PRDM16: variants seen among roughly 807,000 people sequenced by gnomAD.
PRDM16 encodes the protein histone-lysine N-methyltransferase PRDM16.
In PRDM16, 23 loss-of-function variants were observed where a neutral mutation model predicts 110.6. The observed-to-expected ratio is 0.21, with a 90% CI of 0.15 to 0.29. The LOEUF (loss-of-function observed/expected upper bound fraction) is 0.29, where lower values mean the gene tolerates loss of function less well. PRDM16 is among the 10% of genes least tolerant of loss of function. The pLI is 1.00. For missense variants in PRDM16, 1,615 were observed against 1,794.3 expected, an observed-to-expected ratio of 0.90 and a Z score of 1.81; for synonymous variants, 799 against 781.8, an observed-to-expected ratio of 1.02 and a Z score of -0.37.
At chr1:3,134,410 C>G (rs1643395630) in intron 1 of PRDM16, among the ~76,000 whole-genome samples, 1 of 152,252 alleles carries the variant, frequency 6.6e-6, no homozygotes, top group South Asian at 2.1e-4. Context: ...CCAATGCCCC[C>G]AAAGTCAGGA....
At chr1:3,376,505 C>G (rs564481407) in intron 3 of PRDM16, among the ~76,000 whole-genome samples, 1 of 152,264 alleles carries the variant, frequency 6.6e-6, no homozygotes, top group Non-Finnish European at 1.5e-5. Context: ...CCCCAGCACG[C>G]CCCACTGCCT....
chr1:3,094,575 G>T (rs1642352148), intron 1 of PRDM16, among the ~76,000 whole-genome samples: 1 of 152,232 alleles, frequency 6.6e-6, no homozygotes, highest in Non-Finnish European at 1.5e-5. Context: ...ACGCTATAAA[G>T]CTTGGCCGTC....
intron 3 of PRDM16, among the ~76,000 whole-genome samples, chr1:3,332,043 G>A (rs948529352): frequency 6.6e-6 from 1 of 152,212 alleles, no homozygotes; most frequent in Non-Finnish European, 1.5e-5. Flanking sequence ...GTCCCACCCT[G>A]CCAGGCTCCC....
rs1165997550 is a variant in PRDM16 at position 3,245,846 on chromosome 1, C to A, written c.438+1709C>A. ...AAGTGACCTGCAGTTAGTGCGAATC[C>A]CTCAAGTTCTCGAGGGAGCCTGAAA... On this transcript the variant is annotated intron_variant, in intron 3 of 16. Coordinates refer to ENST00000270722, the MANE Select transcript of PRDM16 (RefSeq NM_022114.4). The surrounding 1 kb of genome is among the most constrained non-coding windows in gnomAD (Gnocchi z 4.7). Among the ~76,000 whole-genome samples, 2 of 152,144 alleles carry A rather than the reference C, an allele frequency of 1.3e-5. No homozygotes were observed. Among genetic ancestry groups the A allele is most frequent in the Non-Finnish European group, 2.9e-5 (2 of 68,024 alleles).
intron 8 of PRDM16, among the ~76,000 whole-genome samples, chr1:3,406,579 AAT>A (rs568677570): frequency 0.012 from 1,739 of 150,136 alleles, 33 homozygotes; most frequent in African/African-American, 0.039. Flanking sequence ...AAAAAAAAAA[AAT>A]TTTTTTTTTA....
intron 3 of PRDM16, among the ~76,000 whole-genome samples, chr1:3,273,889 G>A (rs1374129813): frequency 7.0e-6 from 1 of 141,928 alleles, no homozygotes; most frequent in African/African-American, 2.6e-5. Context: ...CTACGTGTGG[G>A]TAGGTGCGTG....
Position 3,404,729 on chromosome 1 carries a change from C to T in PRDM16, c.885-10C>T, listed in dbSNP as rs368200652. ...GTCGGGCCCCGCAGTGAGCCTCGTC[C>T]TCTGCGCAGCCTGGAGCAGCACATG... On this transcript the variant is annotated splice_polypyrimidine_tract_variant and intron_variant, in intron 6 of 16. Transcript: ENST00000270722. 4.1e-5 allele frequency: 66 copies of T among 1,612,916 alleles called. No homozygotes were observed. Among genetic ancestry groups the T allele is most frequent in the Non-Finnish European group, 4.5e-5 (53 of 1,179,870 alleles).
rs1056040107 is a variant in PRDM16, at chr1:3,343,921, G to T, written c.439-41231G>T. On this transcript the variant is annotated intron_variant, in intron 3 of 16. Coordinates refer to ENST00000270722, the MANE Select transcript of PRDM16 (RefSeq NM_022114.4). ...CTCCCAAAGTGCTGGGATTACAGGT[G>T]TGAGCCACCGCTCCCAGCCTGGTTT... Among the ~76,000 whole-genome samples, 9 of 152,302 alleles carry T rather than the reference G, an allele frequency of 5.9e-5. No homozygotes were observed. The East Asian group carries it at 1.7e-3, about 29-fold the overall frequency.
At chr1:3,169,889 G>A (rs1569748440) in intron 1 of PRDM16, among the ~76,000 whole-genome samples, 1 of 152,236 alleles carries the variant, frequency 6.6e-6, no homozygotes, top group Admixed American at 6.5e-5. Context: ...ATTAATAGCG[G>A]GGGGACTGTC....
At chr1:3,247,789 G>A (rs895976444) in intron 3 of PRDM16, among the ~76,000 whole-genome samples, 6 of 152,240 alleles carry the variant, frequency 3.9e-5, no homozygotes, top group Non-Finnish European at 8.8e-5. Flanking sequence ...CGTCACCGGC[G>A]CTTCCCAAAA....
Position 3,284,339 on chromosome 1 carries a change from T to C in PRDM16, c.438+40202T>C, listed in dbSNP as rs190375506. Among the ~76,000 whole-genome samples the C allele has an allele frequency of 1.8e-3, 278 of 152,356 alleles. 2 individuals are homozygous for C. The highest frequency in any genetic ancestry group is 6.3e-3 in the African/African-American group (264 of 41,590). On this transcript the variant is annotated intron_variant, in intron 3 of 16. Coordinates refer to ENST00000270722, the MANE Select transcript of PRDM16 (RefSeq NM_022114.4). Reference sequence around the variant, plus strand: ...CTGAGTGGTTCCTGGAGTGTGTTTTTTAAAGTGTTAAGATGGCAGTATTTA... The same window carrying C: ...CTGAGTGGTTCCTGGAGTGTGTTTTCTAAAGTGTTAAGATGGCAGTATTTA...
intron 3 of PRDM16, among the ~76,000 whole-genome samples, chr1:3,305,377 G>C (rs7517817): frequency 0.12 from 18,134 of 152,218 alleles, 3,580 homozygotes; most frequent in African/African-American, 0.41. Context: ...AGGGGGCCCA[G>C]GTGCCCAGGC....
Position 3,434,788 on chromosome 1 carries a change from C to T in PRDM16, c.*977C>T, listed in dbSNP as rs1331262680. On this transcript the variant is annotated 3_prime_UTR_variant, in exon 17 of 17. Coordinates refer to ENST00000270722, the MANE Select transcript of PRDM16 (RefSeq NM_022114.4). ...GCCGGGCACCCATCTTCCTTCCCTC[C>T]TCTGTCCCTGCCTCGGCCACCCCAC... 3 of 232,386 alleles carry T rather than the reference C, an allele frequency of 1.3e-5. No homozygotes were observed. Among genetic ancestry groups the T allele is most frequent in the Non-Finnish European group, 2.6e-5 (3 of 117,554 alleles). 14.4% of individuals were successfully genotyped at this position (232,386 alleles called of 1,614,324 possible).
At chr1:3,430,785 G>A in intron 14 of PRDM16, 87 bp from the exon 15 acceptor site, 1 of 1,489,060 alleles carries the variant, frequency 6.7e-7, no homozygotes, top group Non-Finnish European at 9.3e-7. Flanking sequence ...GAGGCAGTGG[G>A]GGCAGAGCGG....
intron 3 of PRDM16, among the ~76,000 whole-genome samples, chr1:3,274,152 T>C (rs1486873891): frequency 6.6e-6 from 1 of 151,986 alleles, no homozygotes. Context: ...TAATAAAAAG[T>C]GTATTTGGGA....
intron 4 of PRDM16, among the ~76,000 whole-genome samples, chr1:3,387,118 G>A (rs185722821): frequency 2.4e-4 from 36 of 152,320 alleles, no homozygotes; most frequent in African/African-American, 8.4e-4. Flanking sequence ...GGACCAGGGG[G>A]CAGAAATCCT....
intron 3 of PRDM16, among the ~76,000 whole-genome samples, chr1:3,253,020 C>G (rs978696675): frequency 2.0e-5 from 3 of 152,094 alleles, no homozygotes; most frequent in Non-Finnish European, 2.9e-5. Context: ...AGGAACCCCT[C>G]GAGCCTGCGC....
At chr1:3,189,298 G>A (rs1325257228) in intron 2 of PRDM16, among the ~76,000 whole-genome samples, 1 of 152,174 alleles carries the variant, frequency 6.6e-6, no homozygotes, top group Non-Finnish European at 1.5e-5. Context: ...CAGTGAGCTC[G>A]GCCAGAGCAG....
At chr1:3,203,542 C>T (rs1005582891) in intron 2 of PRDM16, among the ~76,000 whole-genome samples, 3 of 151,572 alleles carry the variant, frequency 2.0e-5, no homozygotes, top group Admixed American at 6.6e-5. Flanking sequence ...GCCTCACTCC[C>T]GCAGAAGCCT....
Sources: allele counts gnomAD v4.1 joint callset (sites outside exome capture counted in the v4.1 genomes callset), GRCh38; gene constraint gnomAD v4.1.1; non-coding constraint Gnocchi (gnomAD v3.1); transcripts MANE v1.5; gene names NCBI Gene and HGNC (gene_info 2026-07-23, HGNC 2026-07-21).